GORASP2: variants seen among roughly 807,000 people sequenced by gnomAD.
The protein encoded by GORASP2 is Golgi reassembly-stacking protein 2.
In GORASP2, 22 loss-of-function variants were observed where a neutral mutation model predicts 45.7. The observed-to-expected ratio is 0.48, with a 90% confidence interval of 0.34 to 0.69. The LOEUF (loss-of-function observed/expected upper bound fraction) is 0.69. Ranked by LOEUF, GORASP2 falls within the 30% of genes least tolerant of loss-of-function variation. The pLI is 0.01. For synonymous variants in GORASP2, 221 were observed against 215.6 expected (o/e 1.02, Z -0.22); for missense variants, 491 against 562.7 (o/e 0.87, Z 1.29).
At chr2:170,945,455 G>A (rs1191993736) in intron 1 of GORASP2, among the ~76,000 whole-genome samples, 1 of 147,490 alleles carries the variant, frequency 6.8e-6, no homozygotes, top group African/African-American at 2.5e-5. Flanking sequence ...AGCTATGGAT[G>A]CACCCCACTC....
At chr2:170,963,416 C>G (rs1475246256) in intron 9 of GORASP2, among the ~76,000 whole-genome samples, 1 of 149,654 alleles carries the variant, frequency 6.7e-6, no homozygotes, top group Non-Finnish European at 1.5e-5. Flanking sequence ...AAGAATGTCT[C>G]TCAGTCCCCG....
At chr2:170,930,951 A>G (rs1703807429) in intron 1 of GORASP2, among the ~76,000 whole-genome samples, 2 of 145,838 alleles carry the variant, frequency 1.4e-5, no homozygotes. Context: ...GAAACTCAGT[A>G]AAACACATTA....
chr2:170,965,739 C>G (rs1253574831), intron 9 of GORASP2, 51 bp from the exon 10 acceptor site: 1 of 1,240,462 alleles, frequency 8.1e-7, no homozygotes, highest in East Asian at 2.3e-5. Flanking sequence ...ACAATGCCTG[C>G]TGTCCTTTCA....
At chr2:170,937,513 A>C (rs1306546338) in intron 1 of GORASP2, among the ~76,000 whole-genome samples, 2 of 152,144 alleles carry the variant, frequency 1.3e-5, no homozygotes, top group African/African-American at 2.4e-5. Context: ...TTAATTAAAT[A>C]AAAGTAAAAT....
chr2:170,939,651 A>G (rs1438016362), intron 1 of GORASP2, among the ~76,000 whole-genome samples: 1 of 152,194 alleles, frequency 6.6e-6, no homozygotes, highest in Non-Finnish European at 1.5e-5. Flanking sequence ...GTGTTTGCAT[A>G]TGGGAAAAAA....
Position 170,962,931 on chromosome 2 carries a change from G to A in GORASP2, c.1003G>A (p.Glu335Lys). 6.2e-7 allele frequency: 1 copy of A among 1,613,182 alleles called. No homozygotes were observed. Reference sequence around the variant, plus strand: ...CATCATGCCAGGGGTTGGCTTACCAGAACTTGTAAACCCAGGTATGTTGCA... The same window carrying A: ...CATCATGCCAGGGGTTGGCTTACCAAAACTTGTAAACCCAGGTATGTTGCA... ...PHIMPGVGLP[E>K]LVNPGLPPLP... Residue 335 changes from glutamate (E) to lysine (K), a missense_variant, in exon 9 of 10, where the codon GAA (glutamate) becomes AAA (lysine). By Grantham distance (56) the Glu-to-Lys change is moderately conservative. Transcript: ENST00000234160.
intron 1 of GORASP2, among the ~76,000 whole-genome samples, chr2:170,944,836 C>T (rs920896881): frequency 2.0e-5 from 3 of 152,146 alleles, no homozygotes; most frequent in Admixed American, 6.5e-5. Flanking sequence ...TAGAAACATT[C>T]AGATTCAGAG....
intron 7 of GORASP2, 129 bp downstream of exon 7, chr2:170,956,688 G>A: frequency 1.4e-6 from 1 of 708,986 alleles, no homozygotes; most frequent in Middle Eastern, 2.9e-4. Context: ...AGGCAGGATT[G>A]CTTGAGCTCA....
intron 1 of GORASP2, among the ~76,000 whole-genome samples, chr2:170,944,725 C>A (rs1704147233): frequency 1.3e-5 from 2 of 152,156 alleles, no homozygotes; most frequent in African/African-American, 2.4e-5. Flanking sequence ...GTCTTTAGCC[C>A]TTTTTAACTA....
At chr2:170,963,498 C>CT (rs1704619889) in intron 9 of GORASP2, among the ~76,000 whole-genome samples, 1 of 130,460 alleles carries the variant, frequency 7.7e-6, no homozygotes, top group Non-Finnish European at 1.6e-5. Context: ...CGCCCCCCTC[C>CT]CCCGCCCCAG....
chr2:170,947,283 T>C (rs1306324558), intron 1 of GORASP2, among the ~76,000 whole-genome samples: 1 of 152,320 alleles, frequency 6.6e-6, no homozygotes, highest in Admixed American at 6.5e-5. Flanking sequence ...AATTCTCTAT[T>C]TCTGTCCACA....
At chr2:170,958,054 C>T (rs1299055222) in intron 7 of GORASP2, among the ~76,000 whole-genome samples, 2 of 152,156 alleles carry the variant, frequency 1.3e-5, no homozygotes, top group African/African-American at 4.8e-5. Context: ...AAACAGCCTA[C>T]CAAGATGCAG....
chr2:170,962,663 A>G (rs573409683), intron 8 of GORASP2, among the ~76,000 whole-genome samples, 176 bp from the exon 9 acceptor site: 43 of 152,290 alleles, frequency 2.8e-4, no homozygotes, highest in African/African-American at 1.0e-3. Flanking sequence ...AGATAAATAT[A>G]TTTCAATTAA....
intron 1 of GORASP2, 101 bp downstream of exon 1, chr2:170,929,504 C>G: frequency 1.0e-6 from 1 of 990,868 alleles, no homozygotes; most frequent in Non-Finnish European, 1.4e-6. Flanking sequence ...CAGCCAGGCC[C>G]GATCCCGCGA....
chr2:170,934,976 G>A (rs903118902), intron 1 of GORASP2, among the ~76,000 whole-genome samples: 9 of 152,188 alleles, frequency 5.9e-5, no homozygotes, highest in Admixed American at 3.9e-4. Flanking sequence ...GACCTCAGCT[G>A]ATCCACAGGC....
chr2:170,929,529 C>T, intron 1 of GORASP2, 126 bp downstream of exon 1: 1 of 804,706 alleles, frequency 1.2e-6, no homozygotes, highest in Non-Finnish European at 1.8e-6. Context: ...GCGGCGGTCG[C>T]GGGCGCTGCC....
At chr2:170,946,023 T>G (rs1040378957) in intron 1 of GORASP2, among the ~76,000 whole-genome samples, 2 of 152,198 alleles carry the variant, frequency 1.3e-5, no homozygotes, top group African/African-American at 4.8e-5. Flanking sequence ...TTGTTTTGTT[T>G]TGTTTTGAGA....
rs1257689782 is a variant in GORASP2 at position 170,946,657 on chromosome 2, T to C, written c.64-1693T>C. ...GTTTCAAGATGGACTTTTGGCCGGATGCAGTGGCTCACACCTGTAATCCCA... is the reference window on the plus strand; with the variant it reads ...GTTTCAAGATGGACTTTTGGCCGGACGCAGTGGCTCACACCTGTAATCCCA... On this transcript the variant is annotated intron_variant, in intron 1 of 9. Coordinates refer to ENST00000234160, the MANE Select transcript of GORASP2 (RefSeq NM_015530.5). 2.0e-5 allele frequency among the ~76,000 whole-genome samples: 3 copies of C among 151,406 alleles called. No homozygotes were observed. In the South Asian group the frequency reaches 6.3e-4, roughly 32 times the overall value.
chr2:170,957,551 T>TA (rs2105326361), intron 7 of GORASP2, among the ~76,000 whole-genome samples: 1 of 152,278 alleles, frequency 6.6e-6, no homozygotes, highest in Non-Finnish European at 1.5e-5. Context: ...GCTGGGATTA[T>TA]AGGCGTGAGC....
Sources: gnomAD v4.1 joint callset for allele counts (sites outside exome capture counted in the v4.1 genomes callset) on GRCh38, gnomAD v4.1.1 for gene constraint, MANE v1.5 for transcripts, NCBI Gene and HGNC (gene_info 2026-07-23, HGNC 2026-07-21) for gene names.